MGAM2: variants seen among roughly 807,000 people sequenced by gnomAD.
MGAM2 encodes maltase-glucoamylase 2 (putative).
Under a neutral mutation model 96.1 loss-of-function variants are expected in MGAM2, and 98 were observed. That is an observed-to-expected ratio of 1.02 (90% CI 0.87 to 1.21). The LOEUF is 1.21. MGAM2 is among the 50% of genes most tolerant of loss of function. The pLI is 0.00. For missense variants in MGAM2, 2,055 were observed against 1,182.4 expected (o/e 1.74, Z -10.82); for synonymous variants, 749 against 414.8 (o/e 1.81, Z -9.79).
At chr7:142,210,792 G>A (rs1797558036) in intron 46 of MGAM2, among the ~76,000 whole-genome samples, 1 of 152,256 alleles carries the variant, frequency 6.6e-6, no homozygotes, top group Non-Finnish European at 1.5e-5. Flanking sequence ...CTGCCTGCCA[G>A]CTCTGAAGAG....
At chr7:142,187,657 C>T (rs908706607) in intron 35 of MGAM2, 93 bp from the exon 36 acceptor site, 6 of 642,212 alleles carry the variant, frequency 9.3e-6, no homozygotes, top group Middle Eastern at 2.5e-4. Flanking sequence ...GAGCTGAGGG[C>T]TTCAAAAGTC....
Position 142,167,502 on chromosome 7 carries a change from C to T in MGAM2, c.3027+16C>T, listed in dbSNP as rs773641809. The T allele has an allele frequency of 3.4e-5, 24 of 702,836 alleles. No individual in the cohort carries two copies. Among genetic ancestry groups the T allele is most frequent in the Non-Finnish European group, 5.7e-5 (22 of 384,958 alleles). The allele number at this position is 702,836 out of a possible 1,614,324, so 43.5% of individuals were successfully genotyped here. On this transcript the variant is annotated intron_variant, in intron 26 of 47. Transcript: ENST00000477922. ...GCAGGTCAAGGTAAGGCCCATGTTGCAGATTCTGGTTCTCAAGATGGAGTT... is the reference window on the plus strand; with the variant it reads ...GCAGGTCAAGGTAAGGCCCATGTTGTAGATTCTGGTTCTCAAGATGGAGTT...
At chr7:142,127,492 C>G (rs1794761980) in intron 3 of MGAM2, among the ~76,000 whole-genome samples, 1 of 152,018 alleles carries the variant, frequency 6.6e-6, no homozygotes, top group Non-Finnish European at 1.5e-5. Context: ...TAAATCTTAA[C>G]AGTACACATT....
intron 3 of MGAM2, among the ~76,000 whole-genome samples, chr7:142,128,755 C>T (rs113154121): frequency 0.066 from 10,050 of 152,230 alleles, 1,133 homozygotes; most frequent in African/African-American, 0.23. Flanking sequence ...TTTCAGAGGA[C>T]GTATGGAAAT....
intron 37 of MGAM2, among the ~76,000 whole-genome samples, chr7:142,193,781 T>C (rs565210099): frequency 6.6e-6 from 1 of 152,204 alleles, no homozygotes; most frequent in South Asian, 2.1e-4. Context: ...TCAGTCATCT[T>C]TTTTTTTCTT....
At chr7:142,155,174 A>G (rs1795700962) in intron 17 of MGAM2, among the ~76,000 whole-genome samples, 1 of 152,244 alleles carries the variant, frequency 6.6e-6, no homozygotes, top group Non-Finnish European at 1.5e-5. Context: ...TTCAGTTAAT[A>G]CAAGGGAAAT....
chr7:142,154,030 C>A lies in MGAM2; in HGVS notation c.1647C>A (p.Thr549=), dbSNP rs1795661739. Residue 549 remains threonine, a synonymous_variant, in exon 16 of 48, where the codon ACC becomes ACA. Coordinates refer to ENST00000477922, the MANE Select transcript of MGAM2 (RefSeq NM_001293626.2). ...TATTCCTTTCCAGAGCCCTGGAGACCATCTTCATGAATAATAGGAGCTTCA... is the reference window on the plus strand; with the variant it reads ...TATTCCTTTCCAGAGCCCTGGAGACAATCTTCATGAATAATAGGAGCTTCA... ...MARTTNLALE[T]IFMNNRSFIL... 3.0e-6 allele frequency: 2 copies of A among 673,360 alleles called. No individual in the cohort carries two copies. Among genetic ancestry groups the A allele is most frequent in the Non-Finnish European group, 2.7e-6 (1 of 364,086 alleles). 41.7% of individuals were successfully genotyped at this position (673,360 alleles called of 1,614,324 possible).
intron 28 of MGAM2, 102 bp from the exon 29 acceptor site, chr7:142,171,996 T>G: frequency 2.0e-5 from 10 of 492,530 alleles, no homozygotes; most frequent in East Asian, 6.5e-5. Flanking sequence ...GACATGACAT[T>G]GAGCTGAATC....
At chr7:142,207,681 G>A (rs1371443159) in intron 45 of MGAM2, among the ~76,000 whole-genome samples, 9 of 151,984 alleles carry the variant, frequency 5.9e-5, no homozygotes, top group African/African-American at 1.7e-4. Context: ...CGCCCGCCTC[G>A]GCCTCCCAAA....
At position 142,220,168 on chromosome 7, in the gene MGAM2, C is replaced by T. The variant is rs368137958; in HGVS notation, c.5657C>T (p.Thr1886Ile). ...TVPDTTSPFP[T>I]STTNASTNAT... ...CCTGATACAACTTCTCCTTTCCCTA[C>T]AAGTACTACTAATGCTAGCACTAAT... Residue 1886 changes from threonine (T) to isoleucine (I), a missense_variant, in exon 48 of 48, where the codon ACA (threonine) becomes ATA (isoleucine). Coordinates refer to ENST00000477922, the MANE Select transcript of MGAM2 (RefSeq NM_001293626.2). 2 of 702,786 alleles carry T rather than the reference C, an allele frequency of 2.8e-6. No individual in the cohort carries two copies. The highest frequency in any genetic ancestry group is 3.5e-5 in the African/African-American group (2 of 57,258). The allele number at this position is 702,786 out of a possible 1,614,324, so 43.5% of individuals were successfully genotyped here.
chr7:142,137,881 C>G (rs1424937815), intron 9 of MGAM2, among the ~76,000 whole-genome samples: 4 of 152,188 alleles, frequency 2.6e-5, no homozygotes, highest in Non-Finnish European at 5.9e-5. Flanking sequence ...CCTGAATAAA[C>G]TTTGCTAGCT....
chr7:142,186,144 CTT>C (rs111646116), intron 35 of MGAM2, 21 bp downstream of exon 35: 12,235 of 601,344 alleles, frequency 0.02, no homozygotes, highest in South Asian at 0.046. Flanking sequence ...CCTTGGTTGT[CTT>C]TTTTTTTTTT....
intron 3 of MGAM2, among the ~76,000 whole-genome samples, chr7:142,121,949 G>A (rs1367374779): frequency 6.6e-6 from 1 of 151,974 alleles, no homozygotes; most frequent in African/African-American, 2.4e-5. Flanking sequence ...GACTTTAATG[G>A]AAATTTGGGC....
chr7:142,196,132 C>T (rs1359688950), intron 37 of MGAM2, 22 bp from the exon 38 acceptor site: 1 of 926,862 alleles, frequency 1.1e-6, no homozygotes, highest in South Asian at 1.4e-5. Flanking sequence ...TTCAACTCAC[C>T]TCTTTATTCC....
intron 3 of MGAM2, among the ~76,000 whole-genome samples, chr7:142,121,965 A>G (rs1418854352): frequency 6.6e-6 from 1 of 152,160 alleles, no homozygotes; most frequent in Non-Finnish European, 1.5e-5. Flanking sequence ...TGGGCAAAGT[A>G]TCAAGCACAA....
chr7:142,207,975 A>T lies in MGAM2; in HGVS notation c.5138-598A>T, dbSNP rs1797460169. On this transcript the variant is annotated intron_variant, in intron 45 of 47. Transcript: ENST00000477922. ...AGGGAGAGAAGAATGGTGAAGGTGAAGATTGATGACGACTTTGACGACAGT... is the reference window on the plus strand; with the variant it reads ...AGGGAGAGAAGAATGGTGAAGGTGATGATTGATGACGACTTTGACGACAGT... Among the ~76,000 whole-genome samples, 4 of 152,172 alleles carry T rather than the reference A, an allele frequency of 2.6e-5. No homozygotes were observed. The South Asian group carries it at 8.3e-4, about 31-fold the overall frequency.
intron 26 of MGAM2, among the ~76,000 whole-genome samples, chr7:142,168,497 T>C (rs1488206845): frequency 6.6e-6 from 1 of 152,124 alleles, no homozygotes; most frequent in African/African-American, 2.4e-5. Context: ...CTCGAACTCC[T>C]GACCTCAGGT....
chr7:142,185,296 T>C (rs910755515), intron 34 of MGAM2, among the ~76,000 whole-genome samples, 157 bp downstream of exon 34: 4 of 152,156 alleles, frequency 2.6e-5, no homozygotes, highest in African/African-American at 7.2e-5. Context: ...GATCCTCGAG[T>C]GGAAAGCTCA....
At chr7:142,186,644 G>C (rs113260493) in intron 35 of MGAM2, among the ~76,000 whole-genome samples, 1 of 152,196 alleles carries the variant, frequency 6.6e-6, no homozygotes, top group Non-Finnish European at 1.5e-5. Flanking sequence ...ATATGTCCAA[G>C]GGCAGCTCTA....
Sources: gnomAD v4.1 joint callset for allele counts (sites outside exome capture counted in the v4.1 genomes callset) on GRCh38, gnomAD v4.1.1 for gene constraint, MANE v1.5 for transcripts, NCBI Gene and HGNC (gene_info 2026-07-23, HGNC 2026-07-21) for gene names.